The following MCF2 variants were observed in gnomAD, a reference collection of about 807,000 sequenced individuals.
The protein encoded by MCF2 is MCF.2 cell line derived transforming sequence, also known as proto-oncogene DBL.
MCF2 carries 44 observed loss-of-function variants against 82.5 expected under a neutral mutation model. The ratio of observed to expected loss-of-function variants is 0.53; its 90% CI spans 0.42 to 0.69. MCF2 has a LOEUF of 0.69. Among genes scored for constraint, MCF2 ranks in the 30% least tolerant of loss-of-function variants. The probability of loss-of-function intolerance (pLI) is 0.00; values close to 1 mark genes in which losing one functional copy is unlikely to be tolerated. For missense variants in MCF2, 623 were observed against 663.1 expected (o/e 0.94, Z 0.66); for synonymous variants, 217 against 224.9 (o/e 0.96, Z 0.32).
At chrX:139,689,362 A>G (rs1935203288) in intron 1 of MCF2, among the ~76,000 whole-genome samples, 1 of 111,984 alleles carries the variant, frequency 8.9e-6, no homozygotes, top group Non-Finnish European at 1.9e-5. Flanking sequence ...TAGTAAGGGC[A>G]TCATTCCTGG....
intron 1 of MCF2, among the ~76,000 whole-genome samples, chrX:139,654,837 G>A (rs1424790162): frequency 8.9e-6 from 1 of 111,757 alleles, no homozygotes; most frequent in East Asian, 2.8e-4. Flanking sequence ...GAGAGATAGG[G>A]ATCTAGTTTC....
chrX:139,590,578 T>C (rs1929426858), intron 19 of MCF2, among the ~76,000 whole-genome samples: 1 of 111,102 alleles, frequency 9.0e-6, no homozygotes, highest in African/African-American at 3.3e-5. Context: ...AATTTTTTCT[T>C]TTCCTCAGCG....
chrX:139,617,618 C>G, exon 8 of MCF2: 1 of 1,206,045 alleles, frequency 8.3e-7, no homozygotes, highest in African/African-American at 1.7e-5. Flanking sequence ...CATTGCACCT[C>G]TGGCAGATTA....
At chrX:139,673,859 C>G (rs914430075) in intron 1 of MCF2, among the ~76,000 whole-genome samples, 8 of 111,504 alleles carry the variant, frequency 7.2e-5, no homozygotes, top group Non-Finnish European at 1.3e-4. Context: ...AAGTTCAAGT[C>G]CTGGATATCC....
intron 20 of MCF2, among the ~76,000 whole-genome samples, chrX:139,589,076 T>C (rs779823156): frequency 9.0e-6 from 1 of 111,696 alleles, no homozygotes; most frequent in Non-Finnish European, 1.9e-5. Context: ...TTTAGTAAAA[T>C]AAAACAAGCT....
At chrX:139,646,581 T>C (rs1363472364), upstream of MCF2, among the ~76,000 whole-genome samples, 2 of 111,778 alleles carry the variant, frequency 1.8e-5, no homozygotes, top group Admixed American at 9.6e-5. Context: ...CCCAATTTTA[T>C]TTTCATAGAT....
exon 1 of MCF2, chrX:139,642,725 G>A: frequency 7.4e-6 from 8 of 1,074,511 alleles, no homozygotes; most frequent in Non-Finnish European, 9.6e-6. Flanking sequence ...TCAGCTGACA[G>A]ATCCTTCCCT....
intron 16 of MCF2, among the ~76,000 whole-genome samples, chrX:139,600,461 A>G (rs1292324219): frequency 9.0e-6 from 1 of 111,230 alleles, no homozygotes; most frequent in Non-Finnish European, 1.9e-5. Flanking sequence ...CACAGGCCCT[A>G]TGGACCAAAG....
At chrX:139,624,865 T>C (rs1420039140) in intron 6 of MCF2, among the ~76,000 whole-genome samples, 3 of 111,141 alleles carry the variant, frequency 2.7e-5, no homozygotes, top group Non-Finnish European at 5.7e-5. Flanking sequence ...CCATCATGTG[T>C]GCAACTTACA....
chrX:139,706,888 A>AATTATT (rs758019893), intron 1 of MCF2, among the ~76,000 whole-genome samples: 4 of 109,497 alleles, frequency 3.7e-5, no homozygotes, highest in Admixed American at 2.0e-4. Flanking sequence ...TTTCAGACAT[A>AATTATT]ATTATTATTA....
intron 1 of MCF2, among the ~76,000 whole-genome samples, chrX:139,691,722 AGT>A (rs2148576824): frequency 1.5e-5 from 1 of 66,056 alleles, no homozygotes; most frequent in South Asian, 1.5e-3. Flanking sequence ...GCAGCAGGAA[AGT>A]GTGTGTGTGC....
At chrX:139,702,807 G>C (rs1313806341) in intron 1 of MCF2, among the ~76,000 whole-genome samples, 1 of 112,403 alleles carries the variant, frequency 8.9e-6, no homozygotes, top group Non-Finnish European at 1.9e-5. Flanking sequence ...GATAGGTGCA[G>C]GTAGCTGATG....
intron 1 of MCF2, among the ~76,000 whole-genome samples, chrX:139,694,520 A>C (rs1935342989): frequency 9.0e-6 from 1 of 111,490 alleles, no homozygotes; most frequent in Non-Finnish European, 1.9e-5. Context: ...GATCAATAGA[A>C]TAGAACTGTG....
At chrX:139,643,106 C>A (rs1933664012), upstream of MCF2, among the ~76,000 whole-genome samples, 1 of 111,828 alleles carries the variant, frequency 8.9e-6, no homozygotes, top group African/African-American at 3.2e-5. Context: ...TGGTAATAAT[C>A]TAGAAAGAAT....
chrX:139,629,901 A>C, intron 3 of MCF2, 57 bp from the exon 7 acceptor site: 1 of 1,013,027 alleles, frequency 9.9e-7, no homozygotes, highest in Non-Finnish European at 1.4e-6. Context: ...CATATCAAAA[A>C]CTGGATCAGT....
intron 1 of MCF2, among the ~76,000 whole-genome samples, chrX:139,633,326 C>T (rs144566470): frequency 9.0e-6 from 1 of 111,650 alleles, no homozygotes; most frequent in African/African-American, 3.3e-5. Flanking sequence ...GTAACATATC[C>T]CAATTTTAAT....
chrX:139,613,127 C>A, intron 10 of MCF2, 89 bp downstream of exon 14: 2 of 596,149 alleles, frequency 3.4e-6, no homozygotes, highest in Non-Finnish European at 2.6e-6. Flanking sequence ...CAATGAACTG[C>A]TGCTGTTTTT....
At chrX:139,589,761 T>A in intron 20 of MCF2, 74 bp downstream of exon 24, 1 of 741,010 alleles carries the variant, frequency 1.3e-6, no homozygotes, top group Non-Finnish European at 2.0e-6. Context: ...ACCAAAATTA[T>A]TTTTGTTTAT....
At chrX:139,621,541 A>G (rs924883872) in intron 6 of MCF2, among the ~76,000 whole-genome samples, 2 of 111,631 alleles carry the variant, frequency 1.8e-5, no homozygotes, top group Non-Finnish European at 3.8e-5. Context: ...ATATAGATCA[A>G]TGGAACAGAA....
Sources: allele counts gnomAD v4.1 joint callset (sites outside exome capture counted in the v4.1 genomes callset), GRCh38; gene constraint gnomAD v4.1.1; transcripts MANE v1.5; gene names NCBI Gene and HGNC (gene_info 2026-07-23, HGNC 2026-07-21).